The following KIAA0825 variants were observed in gnomAD, a reference collection of about 807,000 sequenced individuals.
KIAA0825 encodes KIAA0825.
KIAA0825 carries 119 observed loss-of-function variants against 147.6 expected under a neutral mutation model. The observed-to-expected ratio is 0.81, with a 90% confidence interval of 0.69 to 0.94. The LOEUF is 0.94. KIAA0825 is among the 40% of genes least tolerant of loss of function. The probability of loss-of-function intolerance (pLI) is 0.00; values close to 1 mark genes in which losing one functional copy is unlikely to be tolerated. For synonymous variants in KIAA0825, 470 were observed against 518.1 expected (o/e 0.91, Z 1.26); for missense variants, 1,381 against 1,472.7 (o/e 0.94, Z 1.02).
At chr5:94,343,050 A>G (rs1782591872) in intron 20 of KIAA0825, among the ~76,000 whole-genome samples, 1 of 152,190 alleles carries the variant, frequency 6.6e-6, no homozygotes, top group East Asian at 1.9e-4. Context: ...GATGGACAAC[A>G]TACCTTTGCA....
intron 16 of KIAA0825, among the ~76,000 whole-genome samples, chr5:94,400,790 G>A (rs1751272970): frequency 6.6e-6 from 1 of 152,042 alleles, no homozygotes; most frequent in Non-Finnish European, 1.5e-5. Context: ...AATCCACACT[G>A]TAATCTTTAT....
At chr5:94,493,168 G>A (rs144744766) in intron 5 of KIAA0825, among the ~76,000 whole-genome samples, 22 of 152,294 alleles carry the variant, frequency 1.4e-4, no homozygotes, top group African/African-American at 5.1e-4. Flanking sequence ...TCATTCAAGA[G>A]ACCTGTAGTT....
chr5:94,334,915 A>G (rs892890023), intron 20 of KIAA0825, among the ~76,000 whole-genome samples: 5 of 152,164 alleles, frequency 3.3e-5, no homozygotes, highest in Admixed American at 2.0e-4. Context: ...ACAGGATCCT[A>G]TCTCACAGAA....
intron 5 of KIAA0825, among the ~76,000 whole-genome samples, chr5:94,506,634 G>C (rs1028922753): frequency 3.9e-5 from 6 of 152,182 alleles, no homozygotes; most frequent in Admixed American, 3.9e-4. Flanking sequence ...TTCAATGGCA[G>C]GTTCTGATCT....
chr5:94,244,483 C>A (rs1322994725), intron 20 of KIAA0825, among the ~76,000 whole-genome samples: 1 of 152,056 alleles, frequency 6.6e-6, no homozygotes, highest in Non-Finnish European at 1.5e-5. Flanking sequence ...CAGGTGTGCA[C>A]CACCATGCCT....
intron 2 of KIAA0825, among the ~76,000 whole-genome samples, chr5:94,578,480 C>T (rs998461881): frequency 2.0e-5 from 3 of 152,142 alleles, no homozygotes; most frequent in South Asian, 2.1e-4. Flanking sequence ...GATGTTGGAA[C>T]AATTACCTGC....
chr5:94,268,689 G>A (rs1776848104), intron 20 of KIAA0825, among the ~76,000 whole-genome samples: 1 of 152,146 alleles, frequency 6.6e-6, no homozygotes, highest in African/African-American at 2.4e-5. Flanking sequence ...AGTTACACCT[G>A]CACAGATAGA....
intron 20 of KIAA0825, among the ~76,000 whole-genome samples, chr5:94,324,594 A>C (rs1357550123): frequency 6.6e-6 from 1 of 151,996 alleles, no homozygotes; most frequent in Non-Finnish European, 1.5e-5. Flanking sequence ...ACCACAGCAG[A>C]TTTTTTTACC....
intron 14 of KIAA0825, among the ~76,000 whole-genome samples, chr5:94,423,525 T>G (rs556540856): frequency 3.3e-5 from 5 of 152,216 alleles, no homozygotes; most frequent in African/African-American, 1.2e-4. Flanking sequence ...GATTTACACA[T>G]ACATGGTACA....
intron 5 of KIAA0825, chr5:94,519,770 T>A: frequency 1.2e-6 from 1 of 828,880 alleles, no homozygotes; most frequent in Non-Finnish European, 1.5e-6. Flanking sequence ...TTTTACCTAA[T>A]AATGCTTTAG....
intron 9 of KIAA0825, among the ~76,000 whole-genome samples, chr5:94,471,263 T>C (rs1761181796): frequency 6.6e-6 from 1 of 151,836 alleles, no homozygotes; most frequent in African/African-American, 2.4e-5. Flanking sequence ...GATAGTACTA[T>C]CTTACTATCT....
intron 5 of KIAA0825, among the ~76,000 whole-genome samples, chr5:94,492,427 G>C (rs1763842196): frequency 6.6e-6 from 1 of 152,234 alleles, no homozygotes; most frequent in South Asian, 2.1e-4. Flanking sequence ...AGCCAGGTCA[G>C]GGTTTTGTTC....
intron 3 of KIAA0825, among the ~76,000 whole-genome samples, chr5:94,534,187 A>T (rs1771509923): frequency 6.6e-6 from 1 of 152,250 alleles, no homozygotes; most frequent in Non-Finnish European, 1.5e-5. Context: ...TAGAACTGTT[A>T]GAATACAAAA....
At chr5:94,224,772 G>C (rs914325303) in intron 20 of KIAA0825, among the ~76,000 whole-genome samples, 1 of 152,190 alleles carries the variant, frequency 6.6e-6, no homozygotes, top group Non-Finnish European at 1.5e-5. Context: ...TGAGTAGACA[G>C]TGTCTCTTTG....
chr5:94,466,369 G>A (rs534208228), intron 10 of KIAA0825, among the ~76,000 whole-genome samples: 1 of 152,044 alleles, frequency 6.6e-6, no homozygotes, highest in Non-Finnish European at 1.5e-5. Flanking sequence ...TGTCAGAGTC[G>A]AGTTCAAATG....
intron 20 of KIAA0825, among the ~76,000 whole-genome samples, chr5:94,262,434 C>T (rs986870805): frequency 3.9e-5 from 6 of 152,062 alleles, no homozygotes; most frequent in Non-Finnish European, 7.4e-5. Context: ...CAGGCTTTTA[C>T]ACTTACAGAA....
chr5:94,282,609 T>C (rs1226131155), intron 20 of KIAA0825, among the ~76,000 whole-genome samples: 2 of 152,120 alleles, frequency 1.3e-5, no homozygotes, highest in African/African-American at 4.8e-5. Flanking sequence ...TGATATGAAA[T>C]ATTGAAATTC....
At chr5:94,443,357 T>TACAC (rs1197634452) in intron 13 of KIAA0825, among the ~76,000 whole-genome samples, 6 of 136,970 alleles carry the variant, frequency 4.4e-5, no homozygotes, top group African/African-American at 1.6e-4. Flanking sequence ...TATGTATATA[T>TACAC]ATACACACAC....
At chr5:94,370,444 G>A (rs994848380) in intron 20 of KIAA0825, among the ~76,000 whole-genome samples, 12 of 152,100 alleles carry the variant, frequency 7.9e-5, no homozygotes, top group African/African-American at 2.9e-4. Flanking sequence ...AATATAAGTA[G>A]AGAAATGATT....
Sources: allele counts gnomAD v4.1 joint callset (sites outside exome capture counted in the v4.1 genomes callset), GRCh38; gene constraint gnomAD v4.1.1; transcripts MANE v1.5; gene names NCBI Gene and HGNC (gene_info 2026-07-23, HGNC 2026-07-21).